Variants in CNTN5 observed in about 807,000 individuals in gnomAD.
CNTN5 encodes the protein contactin 5, also known as contactin-5.
In CNTN5, 77 loss-of-function variants were observed where a neutral mutation model predicts 129.1. The ratio of observed to expected loss-of-function variants is 0.60; its 90% confidence interval spans 0.50 to 0.72. CNTN5 has a LOEUF of 0.72. CNTN5 is among the 30% of genes least tolerant of loss of function. The pLI is 0.00. For synonymous variants in CNTN5, 509 were observed against 465.6 expected, an observed-to-expected ratio of 1.09 and a Z score of -1.20; for missense variants, 1,478 against 1,328.8, an observed-to-expected ratio of 1.11 and a Z score of -1.75.
At chr11:100,313,562 G>C (rs1951516261) in intron 21 of CNTN5, among the ~76,000 whole-genome samples, 1 of 152,036 alleles carries the variant, frequency 6.6e-6, no homozygotes, top group African/African-American at 2.4e-5. Context: ...ATCTAAGAGG[G>C]TAAGTCAGAT....
intron 1 of CNTN5, among the ~76,000 whole-genome samples, chr11:99,315,187 A>C (rs1221908805): frequency 6.7e-6 from 1 of 149,450 alleles, no homozygotes; most frequent in African/African-American, 2.4e-5. Context: ...GAGCATAAAT[A>C]GTTCACTGAG....
chr11:99,767,557 T>C (rs897201146), intron 3 of CNTN5, among the ~76,000 whole-genome samples: 2 of 151,916 alleles, frequency 1.3e-5, no homozygotes, highest in African/African-American at 2.4e-5. Context: ...ACATTTGATA[T>C]GCAAATAAGA....
chr11:99,217,478 G>A (rs1860190245), intron 1 of CNTN5, among the ~76,000 whole-genome samples: 8 of 152,276 alleles, frequency 5.3e-5, no homozygotes, highest in Admixed American at 5.2e-4. Context: ...TACACTGTTG[G>A]TGAGGATGTA....
intron 7 of CNTN5, among the ~76,000 whole-genome samples, chr11:99,934,673 T>A (rs912336123): frequency 3.9e-5 from 6 of 151,938 alleles, no homozygotes; most frequent in Non-Finnish European, 8.8e-5. Context: ...TCCCCTGAGG[T>A]CAGGAGTTCA....
chr11:99,301,105 A>C lies in CNTN5; in HGVS notation c.-209-24241A>C, dbSNP rs548258270. 1.5e-4 allele frequency among the ~76,000 whole-genome samples: 23 copies of C among 151,918 alleles called. 1 individual carries two copies. In the South Asian group the frequency reaches 4.8e-3, roughly 31 times the overall value. On this transcript the variant is annotated intron_variant, in intron 1 of 24. Coordinates refer to ENST00000524871, the MANE Select transcript of CNTN5 (RefSeq NM_014361.4). The stretch of plus-strand genomic sequence containing the variant: ...TCCTAGCACAGACACTATTAAACTA[A>C]CTCAAAAAATACAGTAAAATATTAA...
intron 24 of CNTN5, among the ~76,000 whole-genome samples, chr11:100,354,930 G>A (rs1952490107): frequency 6.6e-6 from 1 of 151,708 alleles, no homozygotes; most frequent in Admixed American, 6.6e-5. Context: ...AGGGCTGGAA[G>A]TTCTGGGTGA....
At chr11:100,045,733 AAG>A (rs1491043404) in intron 9 of CNTN5, among the ~76,000 whole-genome samples, 5 of 151,232 alleles carry the variant, frequency 3.3e-5, no homozygotes, top group South Asian at 2.1e-4. Flanking sequence ...AAAAAAAAAA[AAG>A]AGTTCTGCTA....
intron 6 of CNTN5, among the ~76,000 whole-genome samples, chr11:99,846,551 A>G (rs530147801): frequency 7.9e-5 from 12 of 152,120 alleles, no homozygotes; most frequent in Admixed American, 2.0e-4. Flanking sequence ...TAGAATCTCT[A>G]AAAAATACTG....
At position 100,046,861 on chromosome 11, in the gene CNTN5, A is replaced by G. The variant is rs1591126488; in HGVS notation, c.981-14351A>G. Among the ~76,000 whole-genome samples the G allele has an allele frequency of 4.6e-5, 7 of 152,280 alleles. No individual in the cohort carries two copies. The South Asian group carries it at 1.4e-3, about 32-fold the overall frequency. On this transcript the variant is annotated intron_variant, in intron 9 of 24. Coordinates refer to ENST00000524871, the MANE Select transcript of CNTN5 (RefSeq NM_014361.4). Reference sequence around the variant, plus strand: ...TTGCAGGAATGTGATCCCTCAGAGAATAAAAAACAGTGAAGTTAACCATTA... The same window carrying G: ...TTGCAGGAATGTGATCCCTCAGAGAGTAAAAAACAGTGAAGTTAACCATTA...
intron 7 of CNTN5, among the ~76,000 whole-genome samples, chr11:99,949,536 T>C (rs932552845): frequency 2.0e-5 from 3 of 152,128 alleles, no homozygotes; most frequent in East Asian, 3.9e-4. Flanking sequence ...GTTTGGAACC[T>C]AGGTTGAGAT....
At chr11:99,994,480 C>T (rs1490778562) in intron 8 of CNTN5, among the ~76,000 whole-genome samples, 2 of 152,118 alleles carry the variant, frequency 1.3e-5, no homozygotes, top group African/African-American at 2.4e-5. Flanking sequence ...AGACAATTTA[C>T]TAGAAATAAT....
chr11:99,412,515 A>G (rs572561083), intron 2 of CNTN5, among the ~76,000 whole-genome samples: 2 of 152,292 alleles, frequency 1.3e-5, no homozygotes, highest in African/African-American at 4.8e-5. Flanking sequence ...CATCATCATC[A>G]TCATCGTCAT....
At chr11:99,884,059 C>CG (rs1555145665) in intron 6 of CNTN5, among the ~76,000 whole-genome samples, 1 of 152,102 alleles carries the variant, frequency 6.6e-6, no homozygotes, top group Non-Finnish European at 1.5e-5. Flanking sequence ...GTAGCTGTAA[C>CG]GGCCCCCAAA....
At chr11:99,851,761 A>G (rs954663825) in intron 6 of CNTN5, among the ~76,000 whole-genome samples, 5 of 152,202 alleles carry the variant, frequency 3.3e-5, no homozygotes, top group African/African-American at 1.2e-4. Flanking sequence ...AAAATAACCT[A>G]CTTAACTCTT....
intron 3 of CNTN5, among the ~76,000 whole-genome samples, chr11:99,720,535 T>C (rs1404471285): frequency 6.6e-6 from 1 of 152,072 alleles, no homozygotes; most frequent in Non-Finnish European, 1.5e-5. Context: ...GACAAACCCC[T>C]GGCCAACATT....
At chr11:100,182,911 A>AC (rs1476672621) in intron 13 of CNTN5, among the ~76,000 whole-genome samples, 1 of 152,070 alleles carries the variant, frequency 6.6e-6, no homozygotes, top group African/African-American at 2.4e-5. Flanking sequence ...CTGTAAAAAA[A>AC]AAACTCTAAA....
chr11:99,853,205 A>G (rs1947928607), intron 6 of CNTN5, among the ~76,000 whole-genome samples: 1 of 152,142 alleles, frequency 6.6e-6, no homozygotes, highest in Admixed American at 6.6e-5. Flanking sequence ...CCTGAGTCAA[A>G]GAAACAACAA....
chr11:99,056,944 C>A (rs1460599575), intron 1 of CNTN5, among the ~76,000 whole-genome samples: 1 of 151,644 alleles, frequency 6.6e-6, no homozygotes, highest in Non-Finnish European at 1.5e-5. Context: ...ATATTTTTTT[C>A]CCTTACTGGC....
rs71050053 is a variant in CNTN5, at chr11:100,161,830, T to TACACACACACACAC, written c.1581-29266_1581-29253dup. Among the ~76,000 whole-genome samples the TACACACACACACAC allele has an allele frequency of 5.9e-3, 744 of 125,834 alleles. 10 individuals carry two copies. The highest frequency in any genetic ancestry group is 0.033 in the Middle Eastern group (8 of 246). 82.6% of individuals were successfully genotyped at this position (125,834 alleles called of 152,430 possible). On this transcript the variant is annotated intron_variant, in intron 13 of 24. Transcript: ENST00000524871. Reference sequence around the variant, plus strand: ...TCTCAAGGATAGCCCTGGAGCTTCCTACACACACACACACACACACACACA... The same window carrying TACACACACACACAC: ...TCTCAAGGATAGCCCTGGAGCTTCCTACACACACACACACACACACACACACACACACACACACA...
Sources: gnomAD v4.1 joint callset for allele counts (sites outside exome capture counted in the v4.1 genomes callset) on GRCh38, gnomAD v4.1.1 for gene constraint, MANE v1.5 for transcripts, NCBI Gene and HGNC (gene_info 2026-07-23, HGNC 2026-07-21) for gene names.